The following TTLL11 variants were observed in gnomAD, a reference collection of about 807,000 sequenced individuals.
TTLL11 encodes the protein tubulin polyglutamylase TTLL11.
In TTLL11, 42 loss-of-function variants were observed where a neutral mutation model predicts 51.7. The ratio of observed to expected loss-of-function variants is 0.81; its 90% CI spans 0.64 to 1.05. TTLL11 has a LOEUF of 1.05. Among genes scored for constraint, TTLL11 ranks in the 50% least tolerant of loss-of-function variants. The pLI is 0.00. For synonymous variants in TTLL11, 381 were observed against 383.5 expected, an observed-to-expected ratio of 0.99 and a Z score of 0.08; for missense variants, 799 against 940.4, an observed-to-expected ratio of 0.85 and a Z score of 1.97.
intron 6 of TTLL11, among the ~76,000 whole-genome samples, chr9:121,904,497 T>C (rs530262039): frequency 6.8e-4 from 103 of 152,376 alleles, no homozygotes; most frequent in African/African-American, 2.4e-3. Context: ...ACATGTTTAA[T>C]GTGTGGCCCA....
In TTLL11 at chr9:121,821,300, T is replaced by TGCC. The variant is rs1410023094; in HGVS notation, c.*1284_*1286dup. Among the ~76,000 whole-genome samples the TGCC allele has an allele frequency of 2.0e-5, 3 of 152,096 alleles. No homozygotes were observed. Among genetic ancestry groups the TGCC allele is most frequent in the Admixed American group, 6.5e-5 (1 of 15,272 alleles). On this transcript the variant is annotated 3_prime_UTR_variant, in exon 9 of 9. Transcript: ENST00000321582. The surrounding 1 kb of genome is among the most constrained non-coding windows in gnomAD (Gnocchi z 5.0). ...ACCTCTGCCTCCCAGAACCCTCCCT[T>TGCC]GCCACGCACTACGAGCATTTTCTGA... is the stretch of plus-strand genomic sequence containing the variant.
chr9:121,859,352 T>C (rs1837933573), intron 8 of TTLL11, among the ~76,000 whole-genome samples: 1 of 151,036 alleles, frequency 6.6e-6, no homozygotes, highest in Non-Finnish European at 1.5e-5. Context: ...AAATACAAAA[T>C]TAGCCGGGCA....
At chr9:121,827,716 A>G (rs1027717985) in intron 8 of TTLL11, among the ~76,000 whole-genome samples, 2 of 151,336 alleles carry the variant, frequency 1.3e-5, no homozygotes, top group Admixed American at 6.6e-5. Flanking sequence ...TTAATCCTCA[A>G]TTCATCAAGG....
In TTLL11 at chr9:121,849,501, A is replaced by G. The variant is rs186179123; in HGVS notation, c.1840+10836T>C. On this transcript the variant is annotated intron_variant, in intron 8 of 8. Coordinates refer to ENST00000321582, the MANE Select transcript of TTLL11 (RefSeq NM_001139442.2). ...TGGGAGAAAAGTATATGCAAAATATATATCTGATAAAGAACTTGTCTCCAA... is the reference window on the plus strand; with the variant it reads ...TGGGAGAAAAGTATATGCAAAATATGTATCTGATAAAGAACTTGTCTCCAA... Among the ~76,000 whole-genome samples the G allele has an allele frequency of 2.6e-3, 395 of 152,350 alleles. 2 individuals are homozygous for G. Among genetic ancestry groups the G allele is most frequent in the African/African-American group, 8.9e-3 (372 of 41,580 alleles).
At chr9:121,914,853 A>G (rs1436976230) in intron 6 of TTLL11, among the ~76,000 whole-genome samples, 1 of 152,160 alleles carries the variant, frequency 6.6e-6, no homozygotes, top group Non-Finnish European at 1.5e-5. Flanking sequence ...GATCCCATAG[A>G]GAAGGAGAGA....
intron 6 of TTLL11, among the ~76,000 whole-genome samples, chr9:121,873,879 C>A (rs972587941): frequency 7.2e-6 from 1 of 137,942 alleles, no homozygotes; most frequent in African/African-American, 2.9e-5. Context: ...TGCTCTGTCA[C>A]CCAGGCTGGA....
chr9:122,050,350 C>T (rs1328275028), intron 1 of TTLL11, among the ~76,000 whole-genome samples: 1 of 152,148 alleles, frequency 6.6e-6, no homozygotes, highest in Non-Finnish European at 1.5e-5. Context: ...AAGGACACTG[C>T]GGTGTGCGTG....
intron 1 of TTLL11, among the ~76,000 whole-genome samples, chr9:122,047,081 G>A (rs919377833): frequency 2.6e-5 from 4 of 152,138 alleles, no homozygotes; most frequent in East Asian, 1.9e-4. Flanking sequence ...AGAGAGCAAC[G>A]AGGGCACAGG....
At chr9:122,034,817 C>T (rs1844655388) in intron 2 of TTLL11, among the ~76,000 whole-genome samples, 1 of 152,204 alleles carries the variant, frequency 6.6e-6, no homozygotes, top group South Asian at 2.1e-4. Context: ...TCAGGCCCTA[C>T]TGGCTCCAGG....
At chr9:122,082,501 CAAAAAA>C (rs35349693) in intron 1 of TTLL11, among the ~76,000 whole-genome samples, 5,947 of 84,660 alleles carry the variant, frequency 0.07, 139 homozygotes, top group African/African-American at 0.098. Flanking sequence ...GACTCTGTCT[CAAAAAA>C]AAAAAAAAAA....
At position 121,819,944 on chromosome 9, in the gene TTLL11, A is replaced by C. The variant is rs1836527496; in HGVS notation, c.*2643T>G. On this transcript the variant is annotated 3_prime_UTR_variant, in exon 9 of 9. Transcript: ENST00000321582. ...TCGAAATGCTTTCAGTTAAACTGAA[A>C]AGGGCCAATCTGTCAGGACTGGCCT... 6.6e-6 allele frequency among the ~76,000 whole-genome samples: 1 copy of C among 152,206 alleles called. No individual in the cohort carries two copies. Among genetic ancestry groups the C allele is most frequent in the Admixed American group, 6.5e-5 (1 of 15,288 alleles).
intron 1 of TTLL11, among the ~76,000 whole-genome samples, chr9:122,051,388 T>A (rs1330035263): frequency 6.6e-6 from 1 of 152,230 alleles, no homozygotes; most frequent in East Asian, 1.9e-4. Context: ...TAAATTTCTT[T>A]AACATACCCT....
At chr9:122,044,562 G>A (rs1321266571) in intron 1 of TTLL11, among the ~76,000 whole-genome samples, 2 of 152,158 alleles carry the variant, frequency 1.3e-5, no homozygotes, top group African/African-American at 2.4e-5. Context: ...TAACTGGTGT[G>A]AGATGGTATC....
chr9:121,856,593 T>C (rs1837827465), intron 8 of TTLL11, among the ~76,000 whole-genome samples: 1 of 152,262 alleles, frequency 6.6e-6, no homozygotes, highest in Non-Finnish European at 1.5e-5. Flanking sequence ...TTTATCTTTA[T>C]ATCCCTGCAG....
intron 4 of TTLL11, among the ~76,000 whole-genome samples, chr9:121,987,129 A>C (rs1359964785): frequency 2.0e-5 from 3 of 152,118 alleles, no homozygotes; most frequent in African/African-American, 4.8e-5. Context: ...GTATTTTCAA[A>C]AGCAAGGAAA....
At chr9:121,879,104 T>C (rs1838675990) in intron 6 of TTLL11, among the ~76,000 whole-genome samples, 1 of 152,208 alleles carries the variant, frequency 6.6e-6, no homozygotes, top group South Asian at 2.1e-4. Flanking sequence ...GCAGAGAAGA[T>C]GGACACAGCA....
intron 3 of TTLL11, among the ~76,000 whole-genome samples, chr9:122,025,717 C>G (rs1321560463): frequency 1.3e-5 from 2 of 152,196 alleles, no homozygotes; most frequent in Non-Finnish European, 2.9e-5. Flanking sequence ...TAAAATGACA[C>G]AACTACTTTG....
intron 6 of TTLL11, among the ~76,000 whole-genome samples, chr9:121,881,057 T>C (rs993565083): frequency 6.6e-6 from 1 of 152,238 alleles, no homozygotes; most frequent in African/African-American, 2.4e-5. Flanking sequence ...AATTTCCTAA[T>C]GGCAACAGCA....
intron 8 of TTLL11, among the ~76,000 whole-genome samples, chr9:121,845,145 A>G (rs1408673964): frequency 6.6e-6 from 1 of 152,184 alleles, no homozygotes; most frequent in Admixed American, 6.5e-5. Context: ...TACCTTACCT[A>G]TACAGGTAAG....
Sources: allele counts gnomAD v4.1 joint callset (sites outside exome capture counted in the v4.1 genomes callset), GRCh38; gene constraint gnomAD v4.1.1; non-coding constraint Gnocchi (gnomAD v3.1); transcripts MANE v1.5; gene names NCBI Gene and HGNC (gene_info 2026-07-23, HGNC 2026-07-21).